Variants in CSMD1 observed in about 807,000 individuals in gnomAD.
CSMD1 encodes CUB and Sushi multiple domains 1.
A neutral mutation model predicts 417.5 loss-of-function variants in CSMD1; 213 were observed. That is an observed-to-expected ratio of 0.51 (90% CI 0.46 to 0.57). CSMD1 has a LOEUF of 0.57. Among genes scored for constraint, CSMD1 ranks in the 20% least tolerant of loss-of-function variants. The pLI is 0.00. For synonymous variants in CSMD1, 2,862 were observed against 1,736.8 expected (o/e 1.65, Z -16.11); for missense variants, 6,923 against 4,529.7 (o/e 1.53, Z -15.17).
intron 3 of CSMD1, among the ~76,000 whole-genome samples, chr8:4,249,023 G>C (rs1010289111): frequency 6.6e-6 from 1 of 152,112 alleles, no homozygotes. Context: ...ACTTACAACA[G>C]TGCCTGGCAT....
At chr8:3,776,644 C>G (rs1054738383) in intron 5 of CSMD1, among the ~76,000 whole-genome samples, 1 of 152,086 alleles carries the variant, frequency 6.6e-6, no homozygotes, top group African/African-American at 2.4e-5. Context: ...TCACCACCTC[C>G]TTCTTTCCCT....
At chr8:4,612,442 G>A (rs1054101106) in intron 2 of CSMD1, among the ~76,000 whole-genome samples, 5 of 152,160 alleles carry the variant, frequency 3.3e-5, no homozygotes, top group African/African-American at 1.2e-4. Flanking sequence ...TAGGGAAGAT[G>A]CCACCTACCT....
intron 3 of CSMD1, among the ~76,000 whole-genome samples, chr8:4,257,609 G>C (rs928777307): frequency 3.9e-5 from 6 of 152,142 alleles, no homozygotes; most frequent in African/African-American, 1.2e-4. Context: ...GGAAAATTTG[G>C]TGAAAAGTTT....
At chr8:4,847,229 T>A (rs75560535) in intron 1 of CSMD1, among the ~76,000 whole-genome samples, 2 of 152,328 alleles carry the variant, frequency 1.3e-5, no homozygotes, top group South Asian at 2.1e-4. Flanking sequence ...ATGCTTAAAG[T>A]AATAATGCGT....
intron 3 of CSMD1, among the ~76,000 whole-genome samples, chr8:4,070,545 G>A (rs1299278726): frequency 6.6e-6 from 1 of 152,106 alleles, no homozygotes; most frequent in Non-Finnish European, 1.5e-5. Context: ...TTTTAGTAGA[G>A]ACGGGGTTTC....
chr8:4,324,612 A>T (rs1311960483), intron 3 of CSMD1, among the ~76,000 whole-genome samples: 1 of 152,230 alleles, frequency 6.6e-6, no homozygotes, highest in Non-Finnish European at 1.5e-5. Flanking sequence ...GTCAGTGGCC[A>T]TTTATGACCT....
chr8:3,823,709 C>G (rs886201250), intron 5 of CSMD1, among the ~76,000 whole-genome samples: 17 of 152,034 alleles, frequency 1.1e-4, no homozygotes, highest in African/African-American at 3.9e-4. Flanking sequence ...ATTTAACTTA[C>G]GCTTGAATCA....
intron 7 of CSMD1, among the ~76,000 whole-genome samples, chr8:3,650,397 G>C (rs934784241): frequency 6.6e-6 from 1 of 152,254 alleles, no homozygotes; most frequent in East Asian, 1.9e-4. Context: ...GGAAAATTAT[G>C]ACATGGCAAA....
intron 20 of CSMD1, among the ~76,000 whole-genome samples, chr8:3,361,100 T>A (rs193069688): frequency 9.8e-5 from 15 of 152,344 alleles, no homozygotes; most frequent in African/African-American, 2.6e-4. Flanking sequence ...CTTATTAATT[T>A]GACTTATGCA....
chr8:4,080,517 G>T (rs1361892655), intron 3 of CSMD1, among the ~76,000 whole-genome samples: 2 of 152,162 alleles, frequency 1.3e-5, no homozygotes, highest in East Asian at 1.9e-4. Flanking sequence ...AGAAGATACT[G>T]ATCAAGACTG....
chr8:4,981,354 A>T (rs1810878857), intron 1 of CSMD1, among the ~76,000 whole-genome samples: 1 of 152,196 alleles, frequency 6.6e-6, no homozygotes, highest in African/African-American at 2.4e-5. Flanking sequence ...AGATTGAAAC[A>T]TCTGATAATT....
At chr8:3,683,404 A>G (rs1402643746) in intron 7 of CSMD1, among the ~76,000 whole-genome samples, 10 of 151,990 alleles carry the variant, frequency 6.6e-5, no homozygotes, top group Non-Finnish European at 2.9e-5. Flanking sequence ...TCACTAAAGT[A>G]ATTACAGGCA....
chr8:4,856,998 T>C (rs933581420), intron 1 of CSMD1, among the ~76,000 whole-genome samples: 19 of 149,808 alleles, frequency 1.3e-4, no homozygotes, highest in African/African-American at 4.4e-4. Context: ...TATTCCAAAA[T>C]TGACCACATA....
At chr8:4,068,048 T>G (rs998443770) in intron 3 of CSMD1, among the ~76,000 whole-genome samples, 3 of 151,680 alleles carry the variant, frequency 2.0e-5, no homozygotes, top group African/African-American at 7.3e-5. Context: ...GCCACTGCAC[T>G]CCAGCCTGGC....
intron 1 of CSMD1, among the ~76,000 whole-genome samples, chr8:4,869,210 C>G (rs924170285): frequency 5.9e-5 from 9 of 151,886 alleles, no homozygotes; most frequent in Non-Finnish European, 1.0e-4. Context: ...TAATTTAGAA[C>G]TGTATTTTCC....
chr8:4,623,141 C>G (rs564075267), intron 2 of CSMD1, among the ~76,000 whole-genome samples: 2 of 152,200 alleles, frequency 1.3e-5, no homozygotes, highest in South Asian at 4.1e-4. Context: ...GCTCTGATAA[C>G]TCAAAGGGAA....
intron 3 of CSMD1, among the ~76,000 whole-genome samples, chr8:4,154,338 G>T (rs752233528): frequency 6.6e-6 from 1 of 152,178 alleles, no homozygotes; most frequent in Non-Finnish European, 1.5e-5. Flanking sequence ...TGTAGTCCAG[G>T]AGTATTCAGT....
chr8:4,123,638 T>TGGAAATG (rs1802606176), intron 3 of CSMD1, among the ~76,000 whole-genome samples: 1 of 152,196 alleles, frequency 6.6e-6, no homozygotes, highest in Non-Finnish European at 1.5e-5. Flanking sequence ...ATGATAACAT[T>TGGAAATG]GGAAATGGGA....
chr8:4,285,123 C>A (rs1585158320), intron 3 of CSMD1, among the ~76,000 whole-genome samples: 1 of 152,168 alleles, frequency 6.6e-6, no homozygotes, highest in African/African-American at 2.4e-5. Flanking sequence ...TGAGAAAAGT[C>A]CTTTTAACTT....
Sources: gnomAD v4.1 joint callset for allele counts (sites outside exome capture counted in the v4.1 genomes callset) on GRCh38, gnomAD v4.1.1 for gene constraint, MANE v1.5 for transcripts, NCBI Gene and HGNC (gene_info 2026-07-23, HGNC 2026-07-21) for gene names.